The following FHL2 variants were observed in gnomAD, a reference collection of about 807,000 sequenced individuals.
The protein encoded by FHL2 is four and a half LIM domains 2.
Under a neutral mutation model 32.7 loss-of-function variants are expected in FHL2, and 20 were observed. The ratio of observed to expected loss-of-function variants is 0.61; its 90% confidence interval spans 0.43 to 0.89. The LOEUF is 0.89. FHL2 is among the 40% of genes least tolerant of loss of function. The pLI is 0.00. For synonymous variants in FHL2, 123 were observed against 128.1 expected (o/e 0.96, Z 0.27); for missense variants, 311 against 358.6 (o/e 0.87, Z 1.07).
In FHL2 at chr2:105,360,842, T is replaced by C. The variant is rs546264176; in HGVS notation, c.*441A>G. On this transcript the variant is annotated 3_prime_UTR_variant, in exon 7 of 7. Transcript: ENST00000530340. ...GGCAAAAGATTCTGTTCTGAATAAC[T>C]TTATTGCAAGTCACATAATCTTGGT... 6.4e-6 allele frequency: 1 copy of C among 156,462 alleles called. No individual in the cohort carries two copies. Among genetic ancestry groups the C allele is most frequent in the East Asian group, 1.9e-4 (1 of 5,290 alleles). The allele number at this position is 156,462 out of a possible 1,614,324, so 9.7% of individuals were successfully genotyped here. A position where few individuals can be genotyped will look rare whatever the true frequency, so the allele number is the denominator to read the frequency against.
At chr2:105,399,342 G>A (rs375162858), upstream of FHL2, 119 of 1,535,918 alleles carry the variant, frequency 7.7e-5, no homozygotes, top group African/African-American at 1.5e-3. Flanking sequence ...CCTGGGCGCG[G>A]TGGCAGGGGT....
Position 105,363,343 on chromosome 2 carries a change from C to G in FHL2, c.630G>C (p.Leu210=). The change falls in exon 6 of 7, where the codon CTG becomes CTC. Residue 210 remains leucine, a synonymous_variant. Coordinates refer to ENST00000530340, the MANE Select transcript of FHL2 (RefSeq NM_001318895.3). ...TGGCATACAAGTCACAGAAGCAGTT[C>G]AGGCAGTAGGCAAAGTCATCGCGAG... ...FTARDDFAYC[L]NCFCDLYAKK... 1 of 1,614,224 alleles carries G rather than the reference C, an allele frequency of 6.2e-7. No individual in the cohort carries two copies. Among genetic ancestry groups the G allele is most frequent in the Non-Finnish European group, 8.5e-7 (1 of 1,180,040 alleles).
At chr2:105,393,313 C>T (rs192719022) in intron 2 of FHL2, among the ~76,000 whole-genome samples, 1 of 152,246 alleles carries the variant, frequency 6.6e-6, no homozygotes, top group African/African-American at 2.4e-5. Context: ...TGTGAACGTC[C>T]CCAAGCCCTT....
chr2:105,398,426 C>T (rs1320380524), intron 1 of FHL2, among the ~76,000 whole-genome samples: 1 of 152,200 alleles, frequency 6.6e-6, no homozygotes, highest in Non-Finnish European at 1.5e-5. Context: ...ATGGCCCGGA[C>T]TCCCCCGCGC....
At chr2:105,434,089 T>C (rs560858852) in intron 1 of FHL2, among the ~76,000 whole-genome samples, 1 of 152,326 alleles carries the variant, frequency 6.6e-6, no homozygotes, top group East Asian at 1.9e-4. Context: ...TAATTTCTCC[T>C]TTCCTTGAGG....
rs1325079056 is a variant in FHL2, at chr2:105,362,150, A to C, written c.689-716T>G. On this transcript the variant is annotated intron_variant, in intron 6 of 6. Coordinates refer to ENST00000530340, the MANE Select transcript of FHL2 (RefSeq NM_001318895.3). Reference sequence around the variant, plus strand: ...TAATGTTATAAACATTTACCTCAACAGAAGTTACTGCTGAAAACAGCATTA... The same window carrying C: ...TAATGTTATAAACATTTACCTCAACCGAAGTTACTGCTGAAAACAGCATTA... Among the ~76,000 whole-genome samples, 8 of 152,218 alleles carry C rather than the reference A, an allele frequency of 5.3e-5. 1 individual carries two copies. The highest frequency in any genetic ancestry group is 1.2e-4 in the Non-Finnish European group (8 of 68,036).
intron 2 of FHL2, 135 bp from the exon 3 acceptor site, chr2:105,386,675 T>G (rs1472079723): frequency 1.5e-6 from 1 of 673,868 alleles, no homozygotes; most frequent in Non-Finnish European, 2.4e-6. Context: ...TAATTAAAAC[T>G]CACCCTTTAA....
chr2:105,408,985 G>A (rs1408615325), intron 1 of FHL2, among the ~76,000 whole-genome samples: 2 of 152,166 alleles, frequency 1.3e-5, no homozygotes, highest in Non-Finnish European at 2.9e-5. Context: ...GGCAGCACCA[G>A]GTCATGGTGT....
In FHL2 at chr2:105,396,710, C is replaced by T. The variant is rs982927111; in HGVS notation, c.-75-13G>A. On this transcript the variant is annotated splice_polypyrimidine_tract_variant and intron_variant, in intron 1 of 6. Coordinates refer to ENST00000530340, the MANE Select transcript of FHL2 (RefSeq NM_001318895.3). ...CAGTTCTCAGCCACTAGAGAAAGCACACGTGTTTTGTTTCAGATGGTCATC... is the reference window on the plus strand; with the variant it reads ...CAGTTCTCAGCCACTAGAGAAAGCATACGTGTTTTGTTTCAGATGGTCATC... 4 of 1,612,422 alleles carry T rather than the reference C, an allele frequency of 2.5e-6. No homozygotes were observed. The highest frequency in any genetic ancestry group is 3.3e-4 in the Middle Eastern group (2 of 6,062).
intron 3 of FHL2, among the ~76,000 whole-genome samples, chr2:105,384,492 C>G (rs1384757013): frequency 1.3e-5 from 2 of 152,106 alleles, no homozygotes; most frequent in Non-Finnish European, 2.9e-5. Flanking sequence ...GAAGCAGACC[C>G]CTGGTTCTCC....
intron 6 of FHL2, 91 bp downstream of exon 6, chr2:105,363,194 T>C: frequency 7.9e-7 from 1 of 1,264,268 alleles, no homozygotes; most frequent in South Asian, 1.4e-5. Flanking sequence ...GTCTGGGGAG[T>C]TGAGGGATAT....
At chr2:105,397,191 G>T (rs1683200754) in intron 1 of FHL2, among the ~76,000 whole-genome samples, 1 of 152,006 alleles carries the variant, frequency 6.6e-6, no homozygotes, top group African/African-American at 2.4e-5. Context: ...TCCTCCCGTG[G>T]TGCGTTTAGT....
chr2:105,399,295 T>A, upstream of FHL2: 2 of 1,535,764 alleles, frequency 1.3e-6, no homozygotes. Flanking sequence ...GAGCGTCGCC[T>A]CCGGCGTGGG....
At chr2:105,358,376 C>A (rs1680095214), downstream of FHL2, 1 of 152,328 alleles carries the variant, frequency 6.6e-6, no homozygotes, top group Middle Eastern at 3.1e-3. Context: ...GATTGCCCCT[C>A]CCAATGTGGA....
intron 1 of FHL2, among the ~76,000 whole-genome samples, chr2:105,423,398 A>G (rs1426653838): frequency 6.6e-6 from 1 of 152,206 alleles, no homozygotes; most frequent in African/African-American, 2.4e-5. Context: ...CAGAGGACAC[A>G]TTTTGCTTGC....
chr2:105,378,190 CAGTTA>C (rs1558694918), intron 3 of FHL2: 1 of 470,854 alleles, frequency 2.1e-6, no homozygotes, highest in Non-Finnish European at 4.4e-6. Flanking sequence ...ATTTTTCCTA[CAGTTA>C]ATATTTATGG....
At chr2:105,367,238 A>C (rs1283705555) in intron 5 of FHL2, among the ~76,000 whole-genome samples, 2 of 151,576 alleles carry the variant, frequency 1.3e-5, no homozygotes, top group African/African-American at 4.9e-5. Context: ...TGTTTTATTC[A>C]TGGAGAGAAG....
intron 1 of FHL2, among the ~76,000 whole-genome samples, chr2:105,418,566 C>T (rs748675596): frequency 7.9e-5 from 12 of 152,200 alleles, no homozygotes; most frequent in Non-Finnish European, 1.5e-4. Context: ...GAGCAGTTTC[C>T]GTTCTGCACT....
intron 1 of FHL2, among the ~76,000 whole-genome samples, chr2:105,437,298 C>A (rs1362196480): frequency 1.3e-5 from 2 of 152,084 alleles, no homozygotes; most frequent in East Asian, 3.9e-4. Flanking sequence ...ACATAATAGA[C>A]CTTATTCCAG....
Sources: gnomAD v4.1 joint callset for allele counts (sites outside exome capture counted in the v4.1 genomes callset) on GRCh38, gnomAD v4.1.1 for gene constraint, MANE v1.5 for transcripts, NCBI Gene and HGNC (gene_info 2026-07-23, HGNC 2026-07-21) for gene names.